PDE3A: variants seen among roughly 807,000 people sequenced by gnomAD.
PDE3A encodes cGMP-inhibited 3',5'-cyclic phosphodiesterase 3A.
PDE3A carries 43 observed loss-of-function variants against 98.3 expected under a neutral mutation model. The ratio of observed to expected loss-of-function variants is 0.44; its 90% CI spans 0.34 to 0.56. The LOEUF (loss-of-function observed/expected upper bound fraction) is 0.56. PDE3A is among the 20% of genes least tolerant of loss of function. PDE3A has a pLI of 0.01. For missense variants in PDE3A, 1,427 were observed against 1,440.7 expected (o/e 0.99, Z 0.15); for synonymous variants, 663 against 567.9 (o/e 1.17, Z -2.38).
At chr12:20,430,726 G>A (rs1211134849) in intron 1 of PDE3A, among the ~76,000 whole-genome samples, 2 of 152,120 alleles carry the variant, frequency 1.3e-5, no homozygotes, top group Non-Finnish European at 2.9e-5. Flanking sequence ...GTGTATAGAA[G>A]CATTGGCTGC....
chr12:20,578,423 T>C (rs938344045), intron 2 of PDE3A, among the ~76,000 whole-genome samples: 2 of 151,950 alleles, frequency 1.3e-5, no homozygotes, highest in South Asian at 2.1e-4. Flanking sequence ...GAGAATTCTA[T>C]TGGGTATGGC....
chr12:20,550,837 AT>A (rs1405511272), intron 1 of PDE3A, among the ~76,000 whole-genome samples: 1 of 151,984 alleles, frequency 6.6e-6, no homozygotes, highest in Non-Finnish European at 1.5e-5. Context: ...CCAAATTTTA[AT>A]TGCTCTATGG....
rs532945495 is a variant in PDE3A, at chr12:20,554,173, G to A, written c.961-2487G>A. 5.3e-3 allele frequency among the ~76,000 whole-genome samples: 786 copies of A among 149,648 alleles called. 8 individuals carry two copies. Among genetic ancestry groups the A allele is most frequent in the African/African-American group, 0.018 (756 of 41,100 alleles). ...TGCAGCCTATACCTCAATAAAACAGGGATATTTTAAATCACATACCTGCAG... is the reference window on the plus strand; with the variant it reads ...TGCAGCCTATACCTCAATAAAACAGAGATATTTTAAATCACATACCTGCAG... On this transcript the variant is annotated intron_variant, in intron 1 of 15. Transcript: ENST00000359062.
At chr12:20,664,966 T>C (rs1216793144) in intron 15 of PDE3A, among the ~76,000 whole-genome samples, 3 of 152,172 alleles carry the variant, frequency 2.0e-5, no homozygotes, top group African/African-American at 7.2e-5. Context: ...ATTCCCTACC[T>C]CTAATCAGTT....
chr12:20,658,961 C>T (rs554236602), intron 15 of PDE3A, among the ~76,000 whole-genome samples: 1 of 152,174 alleles, frequency 6.6e-6, no homozygotes, highest in African/African-American at 2.4e-5. Context: ...GCAAGCCCAT[C>T]TTGGTCACAA....
chr12:20,498,688 A>C (rs561307154), intron 1 of PDE3A, among the ~76,000 whole-genome samples: 2 of 152,146 alleles, frequency 1.3e-5, no homozygotes, highest in African/African-American at 2.4e-5. Flanking sequence ...TTATTTCAAC[A>C]TAAGTTTTTT....
At chr12:20,509,113 G>A (rs1946171327) in intron 1 of PDE3A, among the ~76,000 whole-genome samples, 1 of 151,924 alleles carries the variant, frequency 6.6e-6, no homozygotes, top group Non-Finnish European at 1.5e-5. Flanking sequence ...TCTCAGAAAC[G>A]CAGATTCAAT....
chr12:20,505,900 G>A (rs758909294), intron 1 of PDE3A, among the ~76,000 whole-genome samples: 3 of 152,048 alleles, frequency 2.0e-5, no homozygotes, highest in African/African-American at 7.2e-5. Context: ...TACTCTGGTT[G>A]TATAAGGTGA....
At chr12:20,405,940 A>G (rs1344043520) in intron 1 of PDE3A, among the ~76,000 whole-genome samples, 1 of 152,112 alleles carries the variant, frequency 6.6e-6, no homozygotes, top group Non-Finnish European at 1.5e-5. Context: ...TGTTTTTATG[A>G]GTTCAACTTT....
At chr12:20,422,819 C>T (rs1398367242) in intron 1 of PDE3A, among the ~76,000 whole-genome samples, 2 of 152,160 alleles carry the variant, frequency 1.3e-5, no homozygotes, top group African/African-American at 4.8e-5. Flanking sequence ...GTATGTTTAT[C>T]TCTTGCCTTG....
Position 20,561,231 on chromosome 12 carries a change from C to T in PDE3A, c.1011+4521C>T, listed in dbSNP as rs191952859. On this transcript the variant is annotated intron_variant, in intron 2 of 15. Coordinates refer to ENST00000359062, the MANE Select transcript of PDE3A (RefSeq NM_000921.5). ...CAAGATTGCGCCGCTGCACTCCAGCCTGGGAGAAAGAGCGAGGCTCTGCTA... is the reference window on the plus strand; with the variant it reads ...CAAGATTGCGCCGCTGCACTCCAGCTTGGGAGAAAGAGCGAGGCTCTGCTA... 3.4e-3 allele frequency among the ~76,000 whole-genome samples: 513 copies of T among 151,800 alleles called. 2 individuals carry two copies. The highest frequency in any genetic ancestry group is 0.011 in the African/African-American group (472 of 41,314).
intron 1 of PDE3A, among the ~76,000 whole-genome samples, chr12:20,476,797 C>A (rs1034779603): frequency 6.6e-6 from 1 of 152,276 alleles, no homozygotes. Flanking sequence ...AAAATTATAA[C>A]CCTTGGCAAA....
At position 20,654,814 on chromosome 12, in the gene PDE3A, T is replaced by C. The variant is rs183098668; in HGVS notation, c.3184+609T>C. Among the ~76,000 whole-genome samples, 38 of 152,210 alleles carry C rather than the reference T, an allele frequency of 2.5e-4. No individual in the cohort carries two copies. In the East Asian group the frequency reaches 7.4e-3, roughly 29 times the overall value. On this transcript the variant is annotated intron_variant, in intron 15 of 15. Coordinates refer to ENST00000359062, the MANE Select transcript of PDE3A (RefSeq NM_000921.5). ...GGCGTGAGCCACCGCGCCCAGCTGCTTCAGGTTATGTTAGCGATTTAAAAG... is the reference window on the plus strand; with the variant it reads ...GGCGTGAGCCACCGCGCCCAGCTGCCTCAGGTTATGTTAGCGATTTAAAAG...
At chr12:20,511,694 C>T (rs541350708) in intron 1 of PDE3A, among the ~76,000 whole-genome samples, 5 of 152,146 alleles carry the variant, frequency 3.3e-5, no homozygotes, top group African/African-American at 9.6e-5. Context: ...TAGTGTAACT[C>T]GCCATTCCTT....
At chr12:20,677,738 C>T (rs533872915) in intron 15 of PDE3A, among the ~76,000 whole-genome samples, 81 of 152,184 alleles carry the variant, frequency 5.3e-4, no homozygotes, top group East Asian at 1.4e-3. Flanking sequence ...AGATTACAGC[C>T]GATTTATTAA....
chr12:20,525,477 G>C lies in PDE3A; in HGVS notation c.961-31183G>C, dbSNP rs7487860. Among the ~76,000 whole-genome samples the C allele has an allele frequency of 3.4e-3, 496 of 144,982 alleles. 8 individuals carry two copies. Among genetic ancestry groups the C allele is most frequent in the African/African-American group, 0.012 (476 of 38,896 alleles). On this transcript the variant is annotated intron_variant, in intron 1 of 15. Coordinates refer to ENST00000359062, the MANE Select transcript of PDE3A (RefSeq NM_000921.5). Reference sequence around the variant, plus strand: ...ACATTCTGATTTGGTTGGGGGGGGGGGCTTTTGACATCATCTGTTTCACCT... The same window carrying C: ...ACATTCTGATTTGGTTGGGGGGGGGCGCTTTTGACATCATCTGTTTCACCT...
At chr12:20,679,900 TATATAATATA>T (rs67515444) in intron 15 of PDE3A, 120 bp from the exon 16 acceptor site, 7 of 82,634 alleles carry the variant, frequency 8.5e-5, no homozygotes, top group Admixed American at 4.1e-4. Flanking sequence ...TAATAATATA[TATATAATATA>T]ATATAATATA....
intron 1 of PDE3A, among the ~76,000 whole-genome samples, chr12:20,512,520 A>G (rs1007499711): frequency 3.3e-5 from 5 of 152,130 alleles, no homozygotes; most frequent in Non-Finnish European, 4.4e-5. Flanking sequence ...TCAGCAGAGG[A>G]ATCAGGTAAA....
At chr12:20,643,829 G>GT (rs1039260968) in intron 10 of PDE3A, among the ~76,000 whole-genome samples, 19 of 151,520 alleles carry the variant, frequency 1.3e-4, no homozygotes, top group Admixed American at 2.6e-4. Context: ...TTGTTTTTTT[G>GT]TTTTTTTAAA....
Sources: allele counts gnomAD v4.1 joint callset (sites outside exome capture counted in the v4.1 genomes callset), GRCh38; gene constraint gnomAD v4.1.1; transcripts MANE v1.5; gene names NCBI Gene and HGNC (gene_info 2026-07-23, HGNC 2026-07-21).